MAP2: variants seen among roughly 807,000 people sequenced by gnomAD.
MAP2 encodes the protein microtubule associated protein 2, also known as microtubule-associated protein 2.
In MAP2, 14 loss-of-function variants were observed where a neutral mutation model predicts 137.6. The ratio of observed to expected loss-of-function variants is 0.10; its 90% confidence interval spans 0.07 to 0.16. The LOEUF (loss-of-function observed/expected upper bound fraction) is 0.16, where lower values mean the gene tolerates loss of function less well. Ranked by LOEUF, MAP2 falls within the 10% of genes least tolerant of loss-of-function variation. The probability of loss-of-function intolerance (pLI) is 1.00; values close to 1 mark genes in which losing one functional copy is unlikely to be tolerated. For synonymous variants in MAP2, 786 were observed against 782.3 expected (o/e 1.00, Z -0.08); for missense variants, 2,088 against 2,191.5 (o/e 0.95, Z 0.94).
chr2:209,663,404 A>G (rs1422116721), intron 5 of MAP2, among the ~76,000 whole-genome samples: 1 of 152,126 alleles, frequency 6.6e-6, no homozygotes, highest in African/African-American at 2.4e-5. Flanking sequence ...CTGCCGGCTC[A>G]CTGTGTAGCT....
In MAP2 at chr2:209,730,544, T is replaced by C. The variant is rs1388066354; in HGVS notation, c.*147T>C. 2 of 651,202 alleles carry C rather than the reference T, an allele frequency of 3.1e-6. No individual in the cohort carries two copies. Among genetic ancestry groups the C allele is most frequent in the Non-Finnish European group, 5.2e-6 (2 of 383,992 alleles). 40.3% of individuals were successfully genotyped at this position (651,202 alleles called of 1,614,324 possible). The stretch of plus-strand genomic sequence containing the variant: ...CTGTAGTAATTGTTACAATTTTCTA[T>C]TTAAAAAATGAATAGTACATGCAGA... On this transcript the variant is annotated 3_prime_UTR_variant, in exon 16 of 16. Transcript: ENST00000682079.
At chr2:209,664,691 G>A (rs2045417817) in intron 5 of MAP2, among the ~76,000 whole-genome samples, 1 of 152,074 alleles carries the variant, frequency 6.6e-6, no homozygotes, top group East Asian at 1.9e-4. Flanking sequence ...GAAAACCGTG[G>A]CTCATGCCTC....
intron 4 of MAP2, among the ~76,000 whole-genome samples, chr2:209,628,050 G>A (rs1315491582): frequency 6.6e-6 from 1 of 152,076 alleles, no homozygotes; most frequent in Non-Finnish European, 1.5e-5. Flanking sequence ...TGAAGTTTGA[G>A]TCTTACTAAC....
chr2:209,695,012 A>C lies in MAP2; in HGVS notation c.2842A>C (p.Lys948Gln), dbSNP rs1305822449. Residue 948 changes from lysine (K) to glutamine (Q), a missense_variant, in exon 8 of 16, where the codon AAG becomes CAG. Around this residue, in one of 6 missense-constraint regions of MAP2, gnomAD observed 500 missense variants for 482.9 expected, o/e 1.04. Transcript: ENST00000682079. The part of the protein sequence containing the change: ...HISGDKSGLS[K>Q]EFDQEKKAND... Reference sequence around the variant, plus strand: ...CTCTGGTGACAAATCAGGACTGAGTAAGGAGTTTGACCAAGAGAAGAAAGC... The same window carrying C: ...CTCTGGTGACAAATCAGGACTGAGTCAGGAGTTTGACCAAGAGAAGAAAGC... 1.2e-6 allele frequency: 2 copies of C among 1,614,160 alleles called. No homozygotes were observed. Among genetic ancestry groups the C allele is most frequent in the South Asian group, 2.2e-5 (2 of 91,078 alleles).
intron 1 of MAP2, among the ~76,000 whole-genome samples, chr2:209,448,606 A>G (rs1699634153): frequency 6.6e-6 from 1 of 152,176 alleles, no homozygotes; most frequent in Non-Finnish European, 1.5e-5. Context: ...GTTCCAGGGA[A>G]GATCCCATTC....
intron 2 of MAP2, among the ~76,000 whole-genome samples, chr2:209,527,460 A>G (rs200702609): frequency 6.6e-6 from 1 of 152,092 alleles, no homozygotes; most frequent in African/African-American, 2.4e-5. Flanking sequence ...ACCGATGCCT[A>G]CTGTTGTCTG....
At chr2:209,621,504 C>A (rs376555063) in intron 3 of MAP2, among the ~76,000 whole-genome samples, 1 of 151,864 alleles carries the variant, frequency 6.6e-6, no homozygotes, top group African/African-American at 2.4e-5. Flanking sequence ...GGTGATCCAC[C>A]CTCCTCAGCC....
At chr2:209,558,993 C>T (rs899849824) in intron 2 of MAP2, among the ~76,000 whole-genome samples, 6 of 152,230 alleles carry the variant, frequency 3.9e-5, no homozygotes, top group African/African-American at 1.4e-4. Flanking sequence ...GGGGATACTT[C>T]AAGGCCATGG....
chr2:209,728,280 A>C (rs2074816172), intron 14 of MAP2, among the ~76,000 whole-genome samples: 1 of 152,248 alleles, frequency 6.6e-6, no homozygotes, highest in Non-Finnish European at 1.5e-5. Context: ...TTGAAAGTCC[A>C]GTATCCTCTA....
intron 3 of MAP2, among the ~76,000 whole-genome samples, chr2:209,609,132 A>G (rs2085872303): frequency 6.6e-6 from 1 of 152,082 alleles, no homozygotes; most frequent in Non-Finnish European, 1.5e-5. Context: ...ATCTAAGTAG[A>G]TGAGGTATAA....
intron 2 of MAP2, among the ~76,000 whole-genome samples, chr2:209,578,261 G>A (rs1234856537): frequency 6.6e-6 from 1 of 152,136 alleles, no homozygotes; most frequent in Non-Finnish European, 1.5e-5. Context: ...AGGGGTAGCA[G>A]AATTGATCTC....
intron 2 of MAP2, among the ~76,000 whole-genome samples, chr2:209,553,054 C>T (rs2069578880): frequency 6.6e-6 from 1 of 151,412 alleles, no homozygotes. Flanking sequence ...CTCTGTCGCC[C>T]AGGCTGGAGT....
intron 1 of MAP2, among the ~76,000 whole-genome samples, chr2:209,480,172 A>T (rs575965703): frequency 9.2e-5 from 14 of 152,118 alleles, no homozygotes; most frequent in Non-Finnish European, 1.9e-4. Flanking sequence ...AAAGAGGGAG[A>T]GCTTGATAAT....
At chr2:209,459,116 A>G (rs1462858128) in intron 1 of MAP2, among the ~76,000 whole-genome samples, 2 of 152,168 alleles carry the variant, frequency 1.3e-5, no homozygotes, top group Non-Finnish European at 2.9e-5. Flanking sequence ...CATGCCCAGT[A>G]TATATAGTGT....
chr2:209,512,759 A>C (rs1413745415), intron 2 of MAP2, among the ~76,000 whole-genome samples: 1 of 152,096 alleles, frequency 6.6e-6, no homozygotes, highest in Non-Finnish European at 1.5e-5. Context: ...CTCCTGCCTC[A>C]GCCTCCTGAG....
At chr2:209,555,433 G>A (rs954677267) in intron 2 of MAP2, among the ~76,000 whole-genome samples, 2 of 152,150 alleles carry the variant, frequency 1.3e-5, no homozygotes, top group Non-Finnish European at 2.9e-5. Flanking sequence ...ACAATTTTGT[G>A]TTATGGAGAA....
chr2:209,621,554 C>T (rs748185244), intron 3 of MAP2, among the ~76,000 whole-genome samples: 7 of 151,940 alleles, frequency 4.6e-5, no homozygotes, highest in Non-Finnish European at 8.8e-5. Flanking sequence ...CCACCACGCC[C>T]GACTGATGTT....
chr2:209,611,973 A>G (rs1271231511), intron 3 of MAP2, among the ~76,000 whole-genome samples: 1 of 152,172 alleles, frequency 6.6e-6, no homozygotes, highest in East Asian at 1.9e-4. Flanking sequence ...AAATAAGTGG[A>G]TAAATAAAAC....
At chr2:209,434,947 T>G (rs867544719) in intron 1 of MAP2, among the ~76,000 whole-genome samples, 46 of 141,854 alleles carry the variant, frequency 3.2e-4, no homozygotes, top group Middle Eastern at 3.9e-3. Flanking sequence ...ATATATGTGT[T>G]TTATATATAT....
Sources: gnomAD v4.1 joint callset for allele counts (sites outside exome capture counted in the v4.1 genomes callset) on GRCh38, gnomAD v4.1.1 for gene constraint, gnomAD v4.1.1 regional missense constraint, MANE v1.5 for transcripts, NCBI Gene and HGNC (gene_info 2026-07-23, HGNC 2026-07-21) for gene names.